Variants in WWOX observed in about 807,000 individuals in gnomAD.
WWOX encodes the protein WW domain-containing oxidoreductase.
Under a neutral mutation model 46.2 loss-of-function variants are expected in WWOX, and 69 were observed. The observed-to-expected ratio is 1.49, with a 90% CI of 1.23 to 1.82. The LOEUF (loss-of-function observed/expected upper bound fraction) is 1.82. WWOX is among the 40% of genes most tolerant of loss of function. The probability of loss-of-function intolerance (pLI) is 0.00; values close to 1 mark genes in which losing one functional copy is unlikely to be tolerated. For synonymous variants in WWOX, 359 were observed against 202.6 expected, an observed-to-expected ratio of 1.77 and a Z score of -6.56; for missense variants, 919 against 542.6, an observed-to-expected ratio of 1.69 and a Z score of -6.89.
chr16:78,352,911 C>A (rs1000343427), intron 5 of WWOX, among the ~76,000 whole-genome samples: 2 of 152,254 alleles, frequency 1.3e-5, no homozygotes, highest in African/African-American at 4.8e-5. Context: ...GAGAAAAGAT[C>A]AATCATAGCA....
chr16:78,486,966 A>G (rs558543389), intron 8 of WWOX, among the ~76,000 whole-genome samples: 4 of 152,256 alleles, frequency 2.6e-5, no homozygotes, highest in Admixed American at 1.3e-4. Flanking sequence ...TCCCTGCACA[A>G]TTTTCCGCTG....
In WWOX at chr16:78,346,385, A is replaced by G. The variant is rs972173092; in HGVS notation, c.517-40475A>G. On this transcript the variant is annotated intron_variant, in intron 5 of 8. Transcript: ENST00000566780. ...GATGCACTAGTCTTTGTGTGGACATATATCTGTTTTATCTTGGGGGATAAT... is the reference window on the plus strand; with the variant it reads ...GATGCACTAGTCTTTGTGTGGACATGTATCTGTTTTATCTTGGGGGATAAT... Among the ~76,000 whole-genome samples, 5 of 116,830 alleles carry G rather than the reference A, an allele frequency of 4.3e-5. 1 individual carries two copies. Among genetic ancestry groups the G allele is most frequent in the Middle Eastern group, 4.0e-3 (1 of 250 alleles). The allele number at this position is 116,830 out of a possible 152,430, so 76.6% of individuals were successfully genotyped here.
intron 8 of WWOX, among the ~76,000 whole-genome samples, chr16:78,840,118 TATC>T (rs531642085): frequency 6.6e-6 from 1 of 152,320 alleles, no homozygotes; most frequent in East Asian, 1.9e-4. Flanking sequence ...CAAAATAAGT[TATC>T]ATTATGGCAT....
intron 8 of WWOX, among the ~76,000 whole-genome samples, chr16:78,868,299 G>A (rs1039533066): frequency 2.6e-5 from 4 of 152,026 alleles, no homozygotes; most frequent in African/African-American, 9.7e-5. Context: ...AGTATATGAT[G>A]ACATTTATAT....
intron 5 of WWOX, among the ~76,000 whole-genome samples, chr16:78,263,400 G>A (rs1266174082): frequency 6.6e-6 from 1 of 152,190 alleles, no homozygotes; most frequent in Non-Finnish European, 1.5e-5. Context: ...TTCAGGATGT[G>A]GGGTCCGGCT....
chr16:78,827,283 G>C (rs1037241666), intron 8 of WWOX, among the ~76,000 whole-genome samples: 1 of 152,178 alleles, frequency 6.6e-6, no homozygotes, highest in Admixed American at 6.5e-5. Flanking sequence ...TCTGTGATAA[G>C]AGCTTCACGC....
chr16:79,028,895 C>G (rs1448620795), intron 8 of WWOX, among the ~76,000 whole-genome samples: 1 of 93,074 alleles, frequency 1.1e-5, no homozygotes, highest in African/African-American at 3.6e-5. Flanking sequence ...TCCTGAACCA[C>G]TAGAAAAAAA....
At chr16:78,560,799 C>T (rs989098100) in intron 8 of WWOX, among the ~76,000 whole-genome samples, 6 of 152,030 alleles carry the variant, frequency 3.9e-5, no homozygotes, top group Non-Finnish European at 7.4e-5. Context: ...ATTGTGAATG[C>T]CAAAGAAATG....
intron 8 of WWOX, among the ~76,000 whole-genome samples, chr16:78,538,064 T>C (rs1310255909): frequency 2.0e-5 from 3 of 151,958 alleles, no homozygotes; most frequent in Non-Finnish European, 4.4e-5. Context: ...TCCAGCATGG[T>C]ATTTTGAGCG....
intron 8 of WWOX, among the ~76,000 whole-genome samples, chr16:78,798,028 A>G (rs968894581): frequency 2.6e-5 from 4 of 152,144 alleles, no homozygotes; most frequent in African/African-American, 9.7e-5. Flanking sequence ...CACTGGAGCT[A>G]TGAGAAATCT....
intron 8 of WWOX, chr16:79,206,455 A>T (rs1367212090): frequency 6.6e-6 from 1 of 152,230 alleles, no homozygotes; most frequent in East Asian, 1.9e-4. Flanking sequence ...CTTCTCTCTA[A>T]ATAAATGGAA....
intron 5 of WWOX, among the ~76,000 whole-genome samples, chr16:78,352,481 C>T (rs1469534199): frequency 6.6e-6 from 1 of 152,192 alleles, no homozygotes; most frequent in East Asian, 1.9e-4. Flanking sequence ...CTCATGGCCC[C>T]TTCCTCTATC....
At chr16:78,688,991 A>C (rs768672294) in intron 8 of WWOX, among the ~76,000 whole-genome samples, 3 of 152,104 alleles carry the variant, frequency 2.0e-5, no homozygotes, top group South Asian at 2.1e-4. Context: ...TTCCACCATG[A>C]TTGTAAGTTT....
At chr16:78,374,323 A>T (rs537953930) in intron 5 of WWOX, among the ~76,000 whole-genome samples, 2 of 152,244 alleles carry the variant, frequency 1.3e-5, no homozygotes, top group South Asian at 2.1e-4. Context: ...AAGCCAGACC[A>T]TGCATGATTT....
At chr16:78,101,199 C>A (rs1390834738) in intron 1 of WWOX, among the ~76,000 whole-genome samples, 1 of 151,510 alleles carries the variant, frequency 6.6e-6, no homozygotes, top group Non-Finnish European at 1.5e-5. Flanking sequence ...AGGCGCCCGC[C>A]ACCACGCCCG....
chr16:78,450,329 C>A (rs2083662964), intron 8 of WWOX, among the ~76,000 whole-genome samples: 1 of 152,016 alleles, frequency 6.6e-6, no homozygotes, highest in Non-Finnish European at 1.5e-5. Context: ...CTTTAAGAAG[C>A]CAAAGTAATC....
chr16:78,437,899 A>G (rs371796537), intron 8 of WWOX, among the ~76,000 whole-genome samples: 73 of 152,212 alleles, frequency 4.8e-4, no homozygotes, highest in Non-Finnish European at 8.5e-4. Context: ...TGCACGCATT[A>G]ATGTGTATTG....
chr16:78,379,266 C>T (rs772469228), intron 5 of WWOX, among the ~76,000 whole-genome samples: 1 of 152,168 alleles, frequency 6.6e-6, no homozygotes, highest in Admixed American at 6.5e-5. Context: ...GGGGTAGATA[C>T]ACTGCCATCC....
intron 8 of WWOX, among the ~76,000 whole-genome samples, chr16:78,678,068 A>C (rs1310629876): frequency 6.6e-6 from 1 of 152,156 alleles, no homozygotes; most frequent in African/African-American, 2.4e-5. Flanking sequence ...TTCTCTGTTT[A>C]ATCTGTCTAC....
Sources: gnomAD v4.1 joint callset for allele counts (sites outside exome capture counted in the v4.1 genomes callset) on GRCh38, gnomAD v4.1.1 for gene constraint, MANE v1.5 for transcripts, NCBI Gene and HGNC (gene_info 2026-07-23, HGNC 2026-07-21) for gene names.